ZC3H12B: variants seen among roughly 807,000 people sequenced by gnomAD.
ZC3H12B encodes probable ribonuclease ZC3H12B.
In ZC3H12B, 7 loss-of-function variants were observed where a neutral mutation model predicts 43.9. That is an observed-to-expected ratio of 0.16 (90% CI 0.09 to 0.30). ZC3H12B has a LOEUF of 0.30. Ranked by LOEUF, ZC3H12B falls within the 10% of genes least tolerant of loss-of-function variation. The pLI, the probability that ZC3H12B is intolerant of heterozygous loss-of-function variation, is 1.00. For missense variants in ZC3H12B, 475 were observed against 670.2 expected, an observed-to-expected ratio of 0.71 and a Z score of 3.22; for synonymous variants, 222 against 241.7, an observed-to-expected ratio of 0.92 and a Z score of 0.76.
intron 2 of ZC3H12B, among the ~76,000 whole-genome samples, chrX:65,395,694 G>A (rs1317088367): frequency 9.0e-6 from 1 of 111,502 alleles, no homozygotes; most frequent in African/African-American, 3.3e-5. Flanking sequence ...GATGATTCTG[G>A]CCTCATAAAT....
the ZC3H12B span, among the ~76,000 whole-genome samples, chrX:65,099,651 A>G: frequency 9.0e-6 from 1 of 111,525 alleles, no homozygotes; most frequent in African/African-American, 3.3e-5. Context: ...CTGTTGAAAG[A>G]AAAACTAACC....
At chrX:65,244,426 A>T in the ZC3H12B span, among the ~76,000 whole-genome samples, 1 of 110,584 alleles carries the variant, frequency 9.0e-6, no homozygotes, top group Non-Finnish European at 1.9e-5. Context: ...CTTGCTCATC[A>T]CAGAGTTGCC....
the ZC3H12B span, among the ~76,000 whole-genome samples, chrX:65,183,758 A>G: frequency 4.5e-5 from 5 of 111,456 alleles, no homozygotes; most frequent in Non-Finnish European, 7.5e-5. Context: ...ACTTATCCCT[A>G]TTGTTCATTG....
chrX:65,174,998 T>G, the ZC3H12B span, among the ~76,000 whole-genome samples: 1 of 111,869 alleles, frequency 8.9e-6, no homozygotes, highest in Non-Finnish European at 1.9e-5. Context: ...CCCGGGTTTG[T>G]GCTTGAAACC....
At chrX:65,154,152 G>T in the ZC3H12B span, among the ~76,000 whole-genome samples, 1 of 111,062 alleles carries the variant, frequency 9.0e-6, no homozygotes, top group Non-Finnish European at 1.9e-5. Context: ...AATGGGTTCA[G>T]CACACCAACA....
chrX:65,037,322 G>A, the ZC3H12B span, among the ~76,000 whole-genome samples: 1 of 111,613 alleles, frequency 9.0e-6, no homozygotes, highest in Non-Finnish European at 1.9e-5. Flanking sequence ...CTTAATAGAA[G>A]TATAAGCTTT....
the ZC3H12B span, among the ~76,000 whole-genome samples, chrX:65,094,846 G>T: frequency 4.6e-4 from 52 of 112,238 alleles, no homozygotes; most frequent in African/African-American, 1.6e-3. Context: ...ACATATGGTG[G>T]TTGCCTTGAG....
chrX:65,251,224 G>A, the ZC3H12B span, among the ~76,000 whole-genome samples: 2 of 111,541 alleles, frequency 1.8e-5, no homozygotes, highest in Non-Finnish European at 3.8e-5. Flanking sequence ...TTTTTGTCAG[G>A]TTTGTCAAAG....
At chrX:65,242,238 C>A in the ZC3H12B span, among the ~76,000 whole-genome samples, 1 of 111,250 alleles carries the variant, frequency 9.0e-6, no homozygotes, top group African/African-American at 3.3e-5. Flanking sequence ...GTCGAAAGTG[C>A]TAAATTCACT....
chrX:65,138,190 TTCTA>T, the ZC3H12B span, among the ~76,000 whole-genome samples: 11 of 112,201 alleles, frequency 9.8e-5, no homozygotes, highest in African/African-American at 2.6e-4. Context: ...TTGAACATAT[TTCTA>T]TCTAACTGAA....
chrX:65,371,707 G>T lies in ZC3H12B; in HGVS notation n.295+2709G>T, dbSNP rs143047054. Among the ~76,000 whole-genome samples, 758 of 112,064 alleles carry T rather than the reference G, an allele frequency of 6.8e-3. 13 individuals are homozygous for T. Among genetic ancestry groups the T allele is most frequent in the African/African-American group, 0.023 (723 of 30,915 alleles). ...GCTCTAGACATTATGAAAGATTAAA[G>T]AAATAGTATTTGTAAAGCCCTTTAA... On this transcript the variant is annotated intron_variant and non_coding_transcript_variant, in intron 2 of 5. Coordinates refer to the ZC3H12B transcript ENST00000617377.
the ZC3H12B span, among the ~76,000 whole-genome samples, chrX:65,302,230 CT>C: frequency 1.1e-3 from 117 of 103,178 alleles, no homozygotes; most frequent in East Asian, 1.2e-3. Flanking sequence ...GAAAAAACTG[CT>C]TTTTTTTTTT....
chrX:65,457,018 A>T (rs1338751853), intron 3 of ZC3H12B, among the ~76,000 whole-genome samples: 1 of 98,842 alleles, frequency 1.0e-5, no homozygotes, highest in Non-Finnish European at 2.0e-5. Context: ...CCCCGCTGCC[A>T]TCCCATCTAG....
chrX:65,410,721 T>C (rs1426633805), intron 3 of ZC3H12B, among the ~76,000 whole-genome samples: 1 of 111,981 alleles, frequency 8.9e-6, no homozygotes, highest in Non-Finnish European at 1.9e-5. Context: ...CTCAACATAA[T>C]TAATCATTAG....
chrX:65,152,760 A>G, the ZC3H12B span, among the ~76,000 whole-genome samples: 1 of 111,839 alleles, frequency 8.9e-6, no homozygotes, highest in Non-Finnish European at 1.9e-5. Flanking sequence ...ACCAAAAAAG[A>G]GCCCGCATTG....
chrX:65,166,887 T>C, the ZC3H12B span, among the ~76,000 whole-genome samples: 36 of 109,152 alleles, frequency 3.3e-4, no homozygotes, highest in African/African-American at 1.3e-3. Flanking sequence ...TTTGATGCAG[T>C]TATTTGATTT....
intron 2 of ZC3H12B, among the ~76,000 whole-genome samples, chrX:65,385,170 T>C (rs1316596027): frequency 8.9e-6 from 1 of 112,390 alleles, no homozygotes; most frequent in African/African-American, 3.2e-5. Flanking sequence ...AAGTAGTTTT[T>C]TCCAATTCTG....
chrX:65,309,053 A>G, the ZC3H12B span, among the ~76,000 whole-genome samples: 2 of 111,250 alleles, frequency 1.8e-5, no homozygotes, highest in Non-Finnish European at 3.8e-5. Flanking sequence ...TCTAAAATCA[A>G]CACCCTAACA....
the ZC3H12B span, among the ~76,000 whole-genome samples, chrX:65,294,432 A>G: frequency 9.0e-6 from 1 of 111,631 alleles, no homozygotes; most frequent in South Asian, 3.7e-4. Context: ...GGACCTGTAA[A>G]ACAATAACAT....
Sources: allele counts gnomAD v4.1 joint callset (sites outside exome capture counted in the v4.1 genomes callset), GRCh38; gene constraint gnomAD v4.1.1; transcripts MANE v1.5; gene names NCBI Gene and HGNC (gene_info 2026-07-23, HGNC 2026-07-21).